GLI2: variants seen among roughly 807,000 people sequenced by gnomAD.
GLI2 encodes the protein GLI family zinc finger 2, also known as transcription activator GLI2.
GLI2 carries 22 observed loss-of-function variants against 78.9 expected under a neutral mutation model. The observed-to-expected ratio is 0.28, with a 90% CI of 0.20 to 0.40. The LOEUF (loss-of-function observed/expected upper bound fraction) is 0.40, where lower values mean the gene tolerates loss of function less well. GLI2 is among the 10% of genes least tolerant of loss of function. The probability of loss-of-function intolerance (pLI) is 1.00; values close to 1 mark genes in which losing one functional copy is unlikely to be tolerated. For synonymous variants in GLI2, 974 were observed against 963.7 expected, an observed-to-expected ratio of 1.01 and a Z score of -0.20; for missense variants, 2,097 against 2,213.2, an observed-to-expected ratio of 0.95 and a Z score of 1.05.
chr2:120,951,132 G>A (rs1002387798), intron 3 of GLI2, 111 bp from the exon 4 acceptor site: 1 of 760,928 alleles, frequency 1.3e-6, no homozygotes, highest in Non-Finnish European at 2.5e-6. Context: ...AGTGCAGGTT[G>A]TTCTGGAAAG....
intron 2 of GLI2, among the ~76,000 whole-genome samples, chr2:120,824,596 G>C (rs1685949109): frequency 2.0e-5 from 3 of 151,800 alleles, no homozygotes; most frequent in Admixed American, 2.0e-4. Context: ...GCCCCTTTGG[G>C]CCCCCTTTGG....
At chr2:120,794,715 A>G (rs924481433) in intron 1 of GLI2, among the ~76,000 whole-genome samples, 5 of 152,138 alleles carry the variant, frequency 3.3e-5, no homozygotes, top group East Asian at 1.9e-4. Flanking sequence ...GGTAAGGGGC[A>G]GAGGAACAGC....
In GLI2 at chr2:120,989,325, GAACAAAAAT is replaced by G. The variant is rs1683161996; in HGVS notation, c.3365_3373del (p.Lys1122_Asn1124del). On this transcript the variant is annotated inframe_deletion, in exon 14 of 14. Transcript: ENST00000361492. The stretch of plus-strand genomic sequence containing the variant: ...TAGGCTTTGGGGCGCCCTCCAGCCT[GAACAAAAAT>G]AACATGCCTGTGCAGTGGAATGAGG... 4 of 1,613,052 alleles carry G rather than the reference GAACAAAAAT, an allele frequency of 2.5e-6. No homozygotes were observed. In the East Asian group the frequency reaches 8.9e-5, roughly 36 times the overall value.
intron 1 of GLI2, among the ~76,000 whole-genome samples, chr2:120,739,663 C>T (rs1360997916): frequency 6.6e-6 from 1 of 152,242 alleles, no homozygotes; most frequent in African/African-American, 2.4e-5. Context: ...TGCAGCTGTT[C>T]CCGCTGGGCC....
chr2:120,806,663 C>A (rs114762172), intron 2 of GLI2, among the ~76,000 whole-genome samples: 2,080 of 152,254 alleles, frequency 0.014, 40 homozygotes, highest in African/African-American at 0.047. Context: ...CTCCTGTTGC[C>A]CTGCGGGGAG....
At chr2:120,978,766 G>A (rs757606289) in intron 10 of GLI2, among the ~76,000 whole-genome samples, 183 bp downstream of exon 10, 12 of 152,172 alleles carry the variant, frequency 7.9e-5, no homozygotes, top group African/African-American at 9.6e-5. Flanking sequence ...CCCTCGCCTC[G>A]TGCCGTCCCA....
rs765037924 is a variant in GLI2 at position 120,984,578 on chromosome 2, G to A, written c.1740G>A (p.Lys580=). ...TVHGPDAHVT[K]KQRNDVHLRT... ...ACGGCCCAGATGCCCACGTCACCAA[G>A]AAGCAGCGCAATGACGTGCACCTCC... The change falls in exon 12 of 14, where the codon AAG becomes AAA. Residue 580 remains lysine (K), a synonymous_variant. Coordinates refer to ENST00000361492, the MANE Select transcript of GLI2 (RefSeq NM_001374353.1). 6.2e-7 allele frequency: 1 copy of A among 1,614,244 alleles called. No individual in the cohort carries two copies. Among genetic ancestry groups the A allele is most frequent in the East Asian group, 2.2e-5 (1 of 44,886 alleles).
chr2:120,786,887 G>C (rs1033418941), intron 1 of GLI2, among the ~76,000 whole-genome samples: 1 of 152,198 alleles, frequency 6.6e-6, no homozygotes, highest in Non-Finnish European at 1.5e-5. Flanking sequence ...CGTGGACTTT[G>C]TGGGGCATTG....
chr2:120,881,995 T>A (rs181669860), intron 2 of GLI2, among the ~76,000 whole-genome samples: 1 of 151,992 alleles, frequency 6.6e-6, no homozygotes, highest in Non-Finnish European at 1.5e-5. Context: ...TGGAATGTCA[T>A]AGGGGACAAC....
intron 2 of GLI2, among the ~76,000 whole-genome samples, chr2:120,826,173 A>G (rs11887240): frequency 0.016 from 2,386 of 152,290 alleles, 64 homozygotes; most frequent in African/African-American, 0.053. Context: ...CATGCACCCA[A>G]CTTAGCAAGT....
At chr2:120,966,723 C>T (rs11689180) in intron 5 of GLI2, among the ~76,000 whole-genome samples, 25 of 152,322 alleles carry the variant, frequency 1.6e-4, no homozygotes, top group Non-Finnish European at 2.9e-4. Context: ...CCAGGGCTTG[C>T]GGCTTGTTCA....
intron 2 of GLI2, among the ~76,000 whole-genome samples, chr2:120,817,162 C>T (rs189935302): frequency 7.9e-5 from 12 of 152,294 alleles, no homozygotes; most frequent in African/African-American, 1.7e-4. Context: ...TTGAGAGGAC[C>T]GCTGCTCTAT....
At chr2:120,927,671 A>T (rs1573616591) in intron 3 of GLI2, among the ~76,000 whole-genome samples, 1 of 151,788 alleles carries the variant, frequency 6.6e-6, no homozygotes, top group Middle Eastern at 3.4e-3. Context: ...AACACCAACC[A>T]CCCCCGAGCC....
At chr2:120,937,091 T>C (rs1028315447) in intron 3 of GLI2, among the ~76,000 whole-genome samples, 2 of 152,182 alleles carry the variant, frequency 1.3e-5, no homozygotes, top group Admixed American at 6.5e-5. Flanking sequence ...TGGCCTGTGC[T>C]GCCCAAACAA....
rs556019545 is a variant in GLI2 at position 120,955,377 on chromosome 2, G to C, written c.590G>C (p.Ser197Thr). Reference sequence around the variant, plus strand: ...CCCTACGGGGACCTGCTGATGCAGAGCGGGGGCGCTGCCAGCGCACCCCAT... The same window carrying C: ...CCCTACGGGGACCTGCTGATGCAGACCGGGGGCGCTGCCAGCGCACCCCAT... ...PAPYGDLLMQ[S>T]GGAASAPHLH... The change falls in exon 5 of 14, where the codon AGC becomes ACC. Residue 197 changes from serine to threonine, a missense_variant. Transcript: ENST00000361492. The C allele has an allele frequency of 6.2e-7, 1 of 1,612,914 alleles. No homozygotes were observed. Among genetic ancestry groups the C allele is most frequent in the African/African-American group, 1.3e-5 (1 of 75,030 alleles).
At chr2:120,936,910 C>T (rs1680225584) in intron 3 of GLI2, among the ~76,000 whole-genome samples, 1 of 152,214 alleles carries the variant, frequency 6.6e-6, no homozygotes, top group Non-Finnish European at 1.5e-5. Context: ...CAGTGCCCTG[C>T]CCCTGAGGCA....
rs201523549 is a variant in GLI2 at position 120,990,264 on chromosome 2, G to T, written c.4299G>T (p.Gln1433His). 41 of 1,613,772 alleles carry T rather than the reference G, an allele frequency of 2.5e-5. No homozygotes were observed. In the East Asian group the frequency reaches 7.1e-4, roughly 28 times the overall value. Residue 1433 changes from glutamine to histidine, a missense_variant, in exon 14 of 14, where the codon CAG becomes CAT. Transcript: ENST00000361492. ...ACAGCATGCTCTACTACTACGGCCA[G>T]ATCCACATGTACGAACAGGATGGAG... ...PDHSMLYYYG[Q>H]IHMYEQDGGL... is the part of the protein sequence containing the mutation.
At chr2:120,779,179 A>G (rs1466873386) in intron 1 of GLI2, among the ~76,000 whole-genome samples, 1 of 152,210 alleles carries the variant, frequency 6.6e-6, no homozygotes. Flanking sequence ...ACATTTACAG[A>G]CAGACTATCA....
Position 120,986,454 on chromosome 2 carries a change from C to T in GLI2, c.2082C>T (p.Ala694=), listed in dbSNP as rs1244158786. The part of the protein sequence containing the change: ...PPGADTSALA[A]PSAGGLQLRK... ...GGGCCGACACCTCAGCCCTGGCTGC[C>T]CCCTCCGCTGGTGGCCTCCAGCTGC... Residue 694 remains alanine (A), a synonymous_variant, in exon 13 of 14, where the codon GCC becomes GCT. Coordinates refer to ENST00000361492, the MANE Select transcript of GLI2 (RefSeq NM_001374353.1). The T allele has an allele frequency of 6.2e-7, 1 of 1,613,896 alleles. No homozygotes were observed. The highest frequency in any genetic ancestry group is 8.5e-7 in the Non-Finnish European group (1 of 1,180,030).
Sources: gnomAD v4.1 joint callset for allele counts (sites outside exome capture counted in the v4.1 genomes callset) on GRCh38, gnomAD v4.1.1 for gene constraint, MANE v1.5 for transcripts, NCBI Gene and HGNC (gene_info 2026-07-23, HGNC 2026-07-21) for gene names.